Variants in CPXM2 observed in about 807,000 individuals in gnomAD.
The protein encoded by CPXM2 is carboxypeptidase X, M14 family member 2.
CPXM2 carries 66 observed loss-of-function variants against 86.1 expected under a neutral mutation model. The observed-to-expected ratio is 0.77, with a 90% CI of 0.63 to 0.94. CPXM2 has a LOEUF of 0.94. CPXM2 is among the 40% of genes least tolerant of loss of function. CPXM2 has a pLI of 0.00. For synonymous variants in CPXM2, 388 were observed against 400.2 expected (o/e 0.97, Z 0.36); for missense variants, 948 against 1,026.3 (o/e 0.92, Z 1.04).
At chr10:123,881,489 A>T (rs1247711199) in intron 1 of CPXM2, among the ~76,000 whole-genome samples, 1 of 151,986 alleles carries the variant, frequency 6.6e-6, no homozygotes, top group African/African-American at 2.4e-5. Flanking sequence ...GGGTGAGGAA[A>T]GGAGCTAAGC....
At chr10:123,864,797 G>A (rs1341732572) in intron 2 of CPXM2, among the ~76,000 whole-genome samples, 1 of 152,102 alleles carries the variant, frequency 6.6e-6, no homozygotes, top group East Asian at 1.9e-4. Context: ...TCCTATGCAC[G>A]TGAGTATTTT....
chr10:123,781,253 G>T (rs1846927196), intron 6 of CPXM2, among the ~76,000 whole-genome samples: 1 of 152,198 alleles, frequency 6.6e-6, no homozygotes, highest in Non-Finnish European at 1.5e-5. Flanking sequence ...GGGTCAGGGA[G>T]GCAATGTCTG....
At chr10:123,908,564 G>A (rs1481985646) in intron 2 of CPXM2, among the ~76,000 whole-genome samples, 1 of 152,138 alleles carries the variant, frequency 6.6e-6, no homozygotes, top group East Asian at 1.9e-4. Context: ...CCTCCCAGGA[G>A]GTCAAGGCTA....
upstream of CPXM2, among the ~76,000 whole-genome samples, chr10:123,895,121 CTTTTTTTTTT>C (rs869104432): frequency 9.3e-5 from 8 of 85,878 alleles, no homozygotes; most frequent in Non-Finnish European, 1.8e-4. Flanking sequence ...TCTTTTTTTT[CTTTTTTTTTT>C]TTTTTTTTTT....
intron 2 of CPXM2, among the ~76,000 whole-genome samples, chr10:123,876,178 A>C (rs1246342035): frequency 6.6e-6 from 1 of 152,112 alleles, no homozygotes; most frequent in Non-Finnish European, 1.5e-5. Flanking sequence ...ACTTCCTTGA[A>C]AGGGCCAGCT....
At chr10:123,753,580 A>G (rs1846128842) in intron 13 of CPXM2, among the ~76,000 whole-genome samples, 1 of 152,198 alleles carries the variant, frequency 6.6e-6, no homozygotes, top group Non-Finnish European at 1.5e-5. Context: ...TAAAGTGAAA[A>G]CAACTGAGAG....
rs553517475 is a variant in CPXM2, at chr10:123,829,009, A to C, written c.653+13340T>G. 2.6e-5 allele frequency among the ~76,000 whole-genome samples: 4 copies of C among 152,378 alleles called. No individual in the cohort carries two copies. The East Asian group carries it at 7.7e-4, about 29-fold the overall frequency. On this transcript the variant is annotated intron_variant, in intron 4 of 13. Transcript: ENST00000241305. ...CATATATCAAAAATCTGCTAGATGAAGAACTCTCAAGAGTGAAAACGTAAA... is the reference window on the plus strand; with the variant it reads ...CATATATCAAAAATCTGCTAGATGACGAACTCTCAAGAGTGAAAACGTAAA...
intron 2 of CPXM2, among the ~76,000 whole-genome samples, chr10:123,917,090 A>G (rs1220525843): frequency 6.6e-6 from 1 of 152,130 alleles, no homozygotes; most frequent in Non-Finnish European, 1.5e-5. Context: ...ATTGAGTGAG[A>G]TTGGATGGAG....
At chr10:123,867,986 G>C (rs370099246) in intron 2 of CPXM2, among the ~76,000 whole-genome samples, 1 of 152,214 alleles carries the variant, frequency 6.6e-6, no homozygotes, top group Non-Finnish European at 1.5e-5. Flanking sequence ...TGCGAGCCAC[G>C]TAAGAGAGAG....
upstream of CPXM2, among the ~76,000 whole-genome samples, chr10:123,894,565 T>C (rs1292745237): frequency 6.6e-6 from 1 of 152,178 alleles, no homozygotes; most frequent in Admixed American, 6.5e-5. Flanking sequence ...CAAGGCACAG[T>C]CAGAGCTCAT....
chr10:123,778,457 AG>A (rs1387725722), intron 7 of CPXM2, among the ~76,000 whole-genome samples: 1 of 152,206 alleles, frequency 6.6e-6, no homozygotes, highest in Non-Finnish European at 1.5e-5. Context: ...GGGATCGCAC[AG>A]GGGTCTCCCA....
chr10:123,813,508 T>C (rs1487666670), intron 4 of CPXM2, among the ~76,000 whole-genome samples: 1 of 152,248 alleles, frequency 6.6e-6, no homozygotes, highest in Non-Finnish European at 1.5e-5. Context: ...AAGCAAGTTA[T>C]CTGGAGCTGC....
At chr10:123,795,471 G>A (rs1847314753) in intron 6 of CPXM2, among the ~76,000 whole-genome samples, 1 of 152,158 alleles carries the variant, frequency 6.6e-6, no homozygotes, top group African/African-American at 2.4e-5. Context: ...TCGTGAGAAA[G>A]AGGCCTGGAA....
chr10:123,788,812 AC>A (rs1268629577), intron 6 of CPXM2, among the ~76,000 whole-genome samples: 1 of 151,718 alleles, frequency 6.6e-6, no homozygotes, highest in Non-Finnish European at 1.5e-5. Flanking sequence ...TTATGAATGC[AC>A]TAACTATCGC....
chr10:123,888,991 T>C (rs1199920561), intron 1 of CPXM2, among the ~76,000 whole-genome samples: 1 of 152,156 alleles, frequency 6.6e-6, no homozygotes, highest in Non-Finnish European at 1.5e-5. Context: ...ATCAACAGGC[T>C]CCCCCATGGC....
At chr10:123,808,545 A>T (rs1320297178) in intron 4 of CPXM2, among the ~76,000 whole-genome samples, 1 of 152,138 alleles carries the variant, frequency 6.6e-6, no homozygotes, top group Admixed American at 6.5e-5. Context: ...CTTTTCCAGG[A>T]CTCTCAAAAG....
chr10:123,872,997 C>A (rs1444184038), intron 2 of CPXM2, among the ~76,000 whole-genome samples: 1 of 150,664 alleles, frequency 6.6e-6, no homozygotes, highest in Non-Finnish European at 1.5e-5. Context: ...AGCAAGAAAA[C>A]TAAAAATATA....
At chr10:123,778,365 G>T (rs1217839125) in intron 7 of CPXM2, among the ~76,000 whole-genome samples, 1 of 152,126 alleles carries the variant, frequency 6.6e-6, no homozygotes, top group Non-Finnish European at 1.5e-5. Context: ...AATCCAAATG[G>T]CAAATCATTT....
intron 4 of CPXM2, among the ~76,000 whole-genome samples, chr10:123,823,153 T>C (rs892656293): frequency 6.6e-6 from 1 of 152,148 alleles, no homozygotes; most frequent in Non-Finnish European, 1.5e-5. Flanking sequence ...AAGCTCCATT[T>C]CCAGAAGATA....
Sources: allele counts gnomAD v4.1 joint callset (sites outside exome capture counted in the v4.1 genomes callset), GRCh38; gene constraint gnomAD v4.1.1; transcripts MANE v1.5; gene names NCBI Gene and HGNC (gene_info 2026-07-23, HGNC 2026-07-21).